METAP2: variants seen among roughly 807,000 people sequenced by gnomAD.
METAP2 encodes methionyl aminopeptidase 2.
A neutral mutation model predicts 59.4 loss-of-function variants in METAP2; 25 were observed. That is an observed-to-expected ratio of 0.42 (90% CI 0.31 to 0.59). METAP2 has a LOEUF of 0.59. Among genes scored for constraint, METAP2 ranks in the 20% least tolerant of loss-of-function variants. The pLI is 0.16. For missense variants in METAP2, 366 were observed against 581.2 expected (o/e 0.63, Z 3.81); for synonymous variants, 214 against 194.1 (o/e 1.10, Z -0.85).
At position 95,514,816 on chromosome 12, in the gene METAP2, T is replaced by C. The variant is rs1451234504; in HGVS notation, c.*912T>C. The C allele has an allele frequency of 6.6e-6, 1 of 151,988 alleles. No homozygotes were observed. Among genetic ancestry groups the C allele is most frequent in the Non-Finnish European group, 1.5e-5 (1 of 68,008 alleles). The allele number at this position is 151,988 out of a possible 1,614,324, so 9.4% of individuals were successfully genotyped here. A position where few individuals can be genotyped will look rare whatever the true frequency, so the allele number is the denominator to read the frequency against. On this transcript the variant is annotated 3_prime_UTR_variant, in exon 11 of 11. Coordinates refer to ENST00000323666, the MANE Select transcript of METAP2 (RefSeq NM_006838.4). ...TTGGATCTTGTTCTAGTTAGAAAAA[T>C]TAAGTTGAAATTCTTGGACTTTTTC... is the stretch of plus-strand genomic sequence containing the variant.
Position 95,495,984 on chromosome 12 carries a change from A to G in METAP2, c.773-20A>G. 1 of 1,420,014 alleles carries G rather than the reference A, an allele frequency of 7.0e-7. No homozygotes were observed. The highest frequency in any genetic ancestry group is 2.3e-5 in the East Asian group (1 of 43,536). The allele number at this position is 1,420,014 out of a possible 1,614,324, so 88.0% of individuals were successfully genotyped here. A position where few individuals can be genotyped will look rare whatever the true frequency, so the allele number is the denominator to read the frequency against. ...TGACTAGCTGATAAGTAAAATTAAAAGAGGAATTTTCTCTTTCAGGTAGGA... is the reference window on the plus strand; with the variant it reads ...TGACTAGCTGATAAGTAAAATTAAAGGAGGAATTTTCTCTTTCAGGTAGGA... On this transcript the variant is annotated intron_variant, in intron 6 of 10. Coordinates refer to ENST00000323666, the MANE Select transcript of METAP2 (RefSeq NM_006838.4).
intron 1 of METAP2, 120 bp downstream of exon 1, chr12:95,474,450 T>C: frequency 9.0e-7 from 1 of 1,105,138 alleles, no homozygotes; most frequent in Non-Finnish European, 1.3e-6. Context: ...TTCTTGGGCC[T>C]GACAGGGTGG....
chr12:95,484,874 G>A (rs568516583), intron 3 of METAP2: 2 of 455,284 alleles, frequency 4.4e-6, no homozygotes, highest in African/African-American at 2.0e-5. Context: ...CTCATTTCAG[G>A]TACTATTCTA....
At chr12:95,483,157 C>A in intron 2 of METAP2, 58 bp from the exon 3 acceptor site, 1 of 1,303,288 alleles carries the variant, frequency 7.7e-7, no homozygotes, top group Non-Finnish European at 1.1e-6. Flanking sequence ...CTTGTACTTG[C>A]TTTGTCCCTC....
At chr12:95,475,042 A>C (rs926539958) in intron 1 of METAP2, among the ~76,000 whole-genome samples, 2 of 152,158 alleles carry the variant, frequency 1.3e-5, no homozygotes, top group African/African-American at 4.8e-5. Context: ...CTGAGGTCTT[A>C]ACCTCTAAAT....
At chr12:95,513,587 C>G (rs1291702653) in intron 10 of METAP2, 65 bp from the exon 11 acceptor site, 2 of 1,547,434 alleles carry the variant, frequency 1.3e-6, no homozygotes, top group East Asian at 4.5e-5. Flanking sequence ...CTGGGCTTTT[C>G]TTAATGAGGG....
Position 95,514,006 on chromosome 12 carries a change from C to T in METAP2, c.*102C>T, listed in dbSNP as rs2076425209. On this transcript the variant is annotated 3_prime_UTR_variant, in exon 11 of 11. Coordinates refer to ENST00000323666, the MANE Select transcript of METAP2 (RefSeq NM_006838.4). ...CATGTTGTCTGTTTTAACAGTGGAC[C>T]CATGTAATACTTTTATCCATGTTTA... 1 of 1,251,874 alleles carries T rather than the reference C, an allele frequency of 8.0e-7. No homozygotes were observed. The highest frequency in any genetic ancestry group is 1.5e-5 in the African/African-American group (1 of 65,808). 77.5% of individuals were successfully genotyped at this position (1,251,874 alleles called of 1,614,324 possible).
At chr12:95,501,692 C>A (rs565688791) in intron 7 of METAP2, among the ~76,000 whole-genome samples, 1 of 147,016 alleles carries the variant, frequency 6.8e-6, no homozygotes, top group South Asian at 2.2e-4. Flanking sequence ...TCCAGCCTGG[C>A]GACAGAGCAA....
chr12:95,498,754 C>CTA (rs2076294209), intron 7 of METAP2, among the ~76,000 whole-genome samples: 1 of 152,144 alleles, frequency 6.6e-6, no homozygotes, highest in African/African-American at 2.4e-5. Flanking sequence ...TGCCTCATGC[C>CTA]TATAATCTCA....
chr12:95,475,423 G>A (rs1170338588), intron 1 of METAP2, among the ~76,000 whole-genome samples: 1 of 152,168 alleles, frequency 6.6e-6, no homozygotes, highest in African/African-American at 2.4e-5. Flanking sequence ...GTGTTAAGCT[G>A]ACTGATCCTA....
rs540841384 is a variant in METAP2 at position 95,504,431 on chromosome 12, G to T, written c.964+270G>T. Among the ~76,000 whole-genome samples the T allele has an allele frequency of 1.9e-4, 29 of 152,316 alleles. No homozygotes were observed. In the South Asian group the frequency reaches 5.8e-3, roughly 31 times the overall value. On this transcript the variant is annotated intron_variant, in intron 8 of 10. Coordinates refer to ENST00000323666, the MANE Select transcript of METAP2 (RefSeq NM_006838.4). ...GTTTTCTGTGACTAGTCAAATCAAG[G>T]CTGAGAGAAGCCAGGTCTCTTGCCA...
rs2076413954 is a variant in METAP2, at chr12:95,512,904, A to G, written c.1172A>G (p.His391Arg). 13 of 1,594,494 alleles carry G rather than the reference A, an allele frequency of 8.2e-6. No homozygotes were observed. The highest frequency in any genetic ancestry group is 9.5e-6 in the Non-Finnish European group (11 of 1,162,484). The change falls in exon 10 of 11, where the codon CAT (histidine) becomes CGT (arginine). Residue 391 changes from histidine to arginine, a missense_variant. Physicochemically the swap from His to Arg is conservative, Grantham distance 29 (BLOSUM62 0). Transcript: ENST00000323666. ...TACATGAAAAATTTTGATGTTGGACATGTGCCAATAAGGTGAGAGACGAGA... is the reference window on the plus strand; with the variant it reads ...TACATGAAAAATTTTGATGTTGGACGTGTGCCAATAAGGTGAGAGACGAGA... ...SHYMKNFDVG[H>R]VPIRLPRTKH...
intron 6 of METAP2, among the ~76,000 whole-genome samples, chr12:95,495,608 G>A (rs2076270605): frequency 6.6e-6 from 1 of 152,102 alleles, no homozygotes; most frequent in African/African-American, 2.4e-5. Flanking sequence ...ATAAATACTT[G>A]CCTAAGGTTT....
chr12:95,494,928 A>G, intron 5 of METAP2, 29 bp from the exon 6 acceptor site: 1 of 1,589,558 alleles, frequency 6.3e-7, no homozygotes, highest in Non-Finnish European at 8.6e-7. Flanking sequence ...TGTAAAAGTA[A>G]ACAAGTTCCC....
intron 2 of METAP2, among the ~76,000 whole-genome samples, chr12:95,481,597 T>C (rs1474236659): frequency 6.6e-6 from 1 of 152,242 alleles, no homozygotes; most frequent in Non-Finnish European, 1.5e-5. Context: ...GGTGGCTGTT[T>C]TTCTGTACTG....
At chr12:95,498,196 C>T (rs66628102) in intron 7 of METAP2, among the ~76,000 whole-genome samples, 11,643 of 151,392 alleles carry the variant, frequency 0.077, 592 homozygotes, top group African/African-American at 0.13. Flanking sequence ...ATCTTGAATT[C>T]CTGAGCTCAA....
intron 3 of METAP2, chr12:95,484,666 G>A: frequency 3.3e-6 from 1 of 301,782 alleles, no homozygotes; most frequent in Non-Finnish European, 6.3e-6. Context: ...TTCCTCTGAG[G>A]ATGTTGTTGA....
In METAP2 at chr12:95,474,152, C is replaced by T. The variant is rs767455867; in HGVS notation, c.-28C>T. 9 of 1,611,634 alleles carry T rather than the reference C, an allele frequency of 5.6e-6. No individual in the cohort carries two copies. Among genetic ancestry groups the T allele is most frequent in the East Asian group, 2.2e-5 (1 of 44,828 alleles). On this transcript the variant is annotated 5_prime_UTR_variant, in exon 1 of 11. Transcript: ENST00000323666. Reference sequence around the variant, plus strand: ...AGGATCGGGGCCCTCGCCGCTCTGTCTCATTCCCTCGCGCTCTCTCGGGCA... The same window carrying T: ...AGGATCGGGGCCCTCGCCGCTCTGTTTCATTCCCTCGCGCTCTCTCGGGCA...
Position 95,494,219 on chromosome 12 carries a change from T to G in METAP2, c.590+2T>G. ...TGGGATGACAATGATAGAAATCTGG[T>G]AAAAGGAATACTTCTTCGTAAGAAC... is the stretch of plus-strand genomic sequence containing the variant. On this transcript the variant is annotated splice_donor_variant, in intron 5 of 10. Transcript: ENST00000323666. LOFTEE classifies it high-confidence loss of function. 1 of 1,610,754 alleles carries G rather than the reference T, an allele frequency of 6.2e-7. No homozygotes were observed. Among genetic ancestry groups the G allele is most frequent in the Non-Finnish European group, 8.5e-7 (1 of 1,177,918 alleles).
Sources: gnomAD v4.1 joint callset for allele counts (sites outside exome capture counted in the v4.1 genomes callset) on GRCh38, gnomAD v4.1.1 for gene constraint, MANE v1.5 for transcripts, NCBI Gene and HGNC (gene_info 2026-07-23, HGNC 2026-07-21) for gene names.